The following CFAP47 variants were observed in gnomAD, a reference collection of about 807,000 sequenced individuals.
CFAP47 encodes cilia- and flagella-associated protein 47.
A neutral mutation model predicts 148.1 loss-of-function variants in CFAP47; 29 were observed. That is an observed-to-expected ratio of 0.20 (90% CI 0.15 to 0.27). CFAP47 has a LOEUF of 0.27. Among genes scored for constraint, CFAP47 ranks in the 10% least tolerant of loss-of-function variants. CFAP47 has a pLI of 1.00. For synonymous variants in CFAP47, 664 were observed against 577.3 expected, an observed-to-expected ratio of 1.15 and a Z score of -2.15; for missense variants, 1,872 against 1,697.5, an observed-to-expected ratio of 1.10 and a Z score of -1.81.
chrX:36,115,581 G>A (rs1029421348), intron 33 of CFAP47, among the ~76,000 whole-genome samples: 1 of 111,697 alleles, frequency 9.0e-6, no homozygotes, highest in Admixed American at 9.5e-5. Flanking sequence ...ATTCAGGCAG[G>A]TGAAACTGGA....
At chrX:36,115,215 C>T (rs1300967751) in intron 33 of CFAP47, among the ~76,000 whole-genome samples, 1 of 111,429 alleles carries the variant, frequency 9.0e-6, no homozygotes, top group African/African-American at 3.3e-5. Context: ...TTTGTTTCTA[C>T]TTGTTTCTCT....
At chrX:36,280,985 A>G (rs1424993773) in intron 50 of CFAP47, among the ~76,000 whole-genome samples, 2 of 112,355 alleles carry the variant, frequency 1.8e-5, no homozygotes, top group African/African-American at 3.2e-5. Flanking sequence ...CTTCAATATA[A>G]GAGATACTAG....
At chrX:36,032,607 A>G (rs1157092909) in intron 23 of CFAP47, among the ~76,000 whole-genome samples, 1 of 111,285 alleles carries the variant, frequency 9.0e-6, no homozygotes, top group Non-Finnish European at 1.9e-5. Flanking sequence ...TATCCAAAAT[A>G]GGAAAAAAAT....
Position 35,951,170 on chromosome X carries a change from C to A in CFAP47, c.696C>A (p.Ile232=), listed in dbSNP as rs772761530. 1.2e-5 allele frequency: 14 copies of A among 1,209,110 alleles called. No individual in the cohort carries two copies. In the South Asian group the frequency reaches 2.5e-4, roughly 21 times the overall value. ...GTCAACCTGAGATGCTCTTGAGTAT[C>A]AAAGCTCATGTGGTTGAGCAGATTA... The part of the protein sequence containing the change: ...LQGQPEMLLS[I]KAHVVEQIIE... Residue 232 remains isoleucine (I), a synonymous_variant, in exon 5 of 64, where the codon ATC becomes ATA. Coordinates refer to ENST00000378653, the MANE Select transcript of CFAP47 (RefSeq NM_001304548.2).
At chrX:36,089,108 G>A (rs1012468759) in intron 30 of CFAP47, among the ~76,000 whole-genome samples, 4 of 111,631 alleles carry the variant, frequency 3.6e-5, no homozygotes, top group Non-Finnish European at 7.5e-5. Flanking sequence ...TGGCTCACGC[G>A]TATAATCCCA....
At chrX:36,349,151 G>A (rs1217082962) in intron 58 of CFAP47, among the ~76,000 whole-genome samples, 4 of 111,736 alleles carry the variant, frequency 3.6e-5, no homozygotes, top group Non-Finnish European at 7.5e-5. Flanking sequence ...TCTAAGGATG[G>A]GATCTTATTC....
chrX:36,053,809 G>T (rs1937533633), intron 26 of CFAP47, among the ~76,000 whole-genome samples: 1 of 112,138 alleles, frequency 8.9e-6, no homozygotes. Context: ...TAGCCAAATG[G>T]TGGAGTTTAA....
chrX:36,056,747 G>T (rs1294368704), intron 26 of CFAP47, among the ~76,000 whole-genome samples: 1 of 112,272 alleles, frequency 8.9e-6, no homozygotes, highest in Admixed American at 9.4e-5. Flanking sequence ...GTTCCTACAG[G>T]ATCTTTCTCA....
chrX:35,961,229 G>C (rs1320332541), intron 8 of CFAP47, among the ~76,000 whole-genome samples: 6 of 111,867 alleles, frequency 5.4e-5, no homozygotes, highest in Admixed American at 2.9e-4. Context: ...GCTTCAGTTT[G>C]ATCGTATTTA....
intron 35 of CFAP47, among the ~76,000 whole-genome samples, chrX:36,140,545 A>C (rs1357836995): frequency 1.8e-5 from 2 of 111,429 alleles, no homozygotes; most frequent in Non-Finnish European, 3.8e-5. Context: ...GATAATGACC[A>C]AAACTTTATC....
At chrX:35,999,584 A>G (rs1936890848) in intron 19 of CFAP47, among the ~76,000 whole-genome samples, 1 of 112,374 alleles carries the variant, frequency 8.9e-6, no homozygotes, top group African/African-American at 3.2e-5. Context: ...TAATATAAGT[A>G]AATAAAAGAA....
chrX:36,059,916 G>A (rs1241257474), intron 26 of CFAP47, among the ~76,000 whole-genome samples: 1 of 110,941 alleles, frequency 9.0e-6, no homozygotes, highest in Non-Finnish European at 1.9e-5. Flanking sequence ...TAGTACCCAG[G>A]ATAGTTCCCA....
intron 15 of CFAP47, among the ~76,000 whole-genome samples, chrX:35,982,845 G>T (rs1936664920): frequency 9.0e-6 from 1 of 111,550 alleles, no homozygotes; most frequent in African/African-American, 3.3e-5. Flanking sequence ...GTACCAAGCT[G>T]TCTTCATTAC....
intron 29 of CFAP47, among the ~76,000 whole-genome samples, chrX:36,074,957 C>CT (rs1194441621): frequency 9.0e-6 from 1 of 110,894 alleles, no homozygotes; most frequent in Non-Finnish European, 1.9e-5. Flanking sequence ...TCAAAAACTA[C>CT]TGGATTTCAC....
chrX:36,189,299 A>G (rs1164430848), intron 41 of CFAP47, among the ~76,000 whole-genome samples: 3 of 110,767 alleles, frequency 2.7e-5, no homozygotes, highest in African/African-American at 9.8e-5. Context: ...AGTCTTCTTC[A>G]CTCACATGTC....
chrX:36,269,501 CA>C (rs1442937036), intron 49 of CFAP47, among the ~76,000 whole-genome samples: 1 of 112,183 alleles, frequency 8.9e-6, no homozygotes, highest in Non-Finnish European at 1.9e-5. Flanking sequence ...TGGAAAGATC[CA>C]TATAAGTGAC....
chrX:36,350,042 G>A lies in CFAP47; in HGVS notation c.8608G>A (p.Val2870Met), dbSNP rs1360238211. 7.1e-6 allele frequency: 8 copies of A among 1,130,317 alleles called. 1 individual carries two copies. Among genetic ancestry groups the A allele is most frequent in the Non-Finnish European group, 9.5e-6 (8 of 842,858 alleles). The allele number at this position is 1,130,317 out of a possible 1,213,427, so 93.2% of individuals were successfully genotyped here. The change falls in exon 59 of 64, where the codon GTG becomes ATG. Residue 2870 changes from valine to methionine, a missense_variant. Transcript: ENST00000378653. ...AATATTTTAATTTCTAATTAGTATT[G>A]TGGGAATCGACAGCGAAGAAATCCA... ...DELDIKFKSIVGIDSEEIQAI... is the reference protein window; with the variant it reads ...DELDIKFKSIMGIDSEEIQAI...
intron 48 of CFAP47, among the ~76,000 whole-genome samples, chrX:36,242,839 G>T (rs1306095428): frequency 9.0e-6 from 1 of 111,366 alleles, no homozygotes; most frequent in South Asian, 3.8e-4. Flanking sequence ...ACCCTGGCTA[G>T]ATACTATACA....
At chrX:36,040,170 G>A (rs1209802303) in intron 25 of CFAP47, among the ~76,000 whole-genome samples, 3 of 111,384 alleles carry the variant, frequency 2.7e-5, no homozygotes, top group Non-Finnish European at 3.8e-5. Flanking sequence ...AATAAAGCTG[G>A]GTAGCAGTAT....
Sources: gnomAD v4.1 joint callset for allele counts (sites outside exome capture counted in the v4.1 genomes callset) on GRCh38, gnomAD v4.1.1 for gene constraint, MANE v1.5 for transcripts, NCBI Gene and HGNC (gene_info 2026-07-23, HGNC 2026-07-21) for gene names.